Variants in PCTP observed in about 807,000 individuals in gnomAD.
The protein encoded by PCTP is phosphatidylcholine transfer protein, also known as START domain-containing protein 2.
A neutral mutation model predicts 31.0 loss-of-function variants in PCTP; 27 were observed. The observed-to-expected ratio is 0.87, with a 90% CI of 0.64 to 1.20. The LOEUF is 1.20. Among genes scored for constraint, PCTP ranks in the 50% most tolerant of loss-of-function variants. The pLI, the probability that PCTP is intolerant of heterozygous loss-of-function variation, is 0.00. For synonymous variants in PCTP, 108 were observed against 101.2 expected (o/e 1.07, Z -0.40); for missense variants, 287 against 268.2 (o/e 1.07, Z -0.49).
At chr17:55,756,719 G>C (rs1403821889) in intron 1 of PCTP, among the ~76,000 whole-genome samples, 2 of 23,316 alleles carry the variant, frequency 8.6e-5, no homozygotes, top group East Asian at 0.032. Flanking sequence ...TTATGAATGT[G>C]TGTGTGTGTG....
chr17:55,806,736 G>T (rs537664683), intron 3 of PCTP, among the ~76,000 whole-genome samples: 8 of 152,232 alleles, frequency 5.3e-5, no homozygotes, highest in African/African-American at 1.7e-4. Flanking sequence ...AGTTTTAGAT[G>T]GGAGTGTAGA....
intron 5 of PCTP, among the ~76,000 whole-genome samples, chr17:55,837,997 C>T (rs1459327394): frequency 3.9e-5 from 6 of 151,938 alleles, no homozygotes; most frequent in Admixed American, 3.9e-4. Flanking sequence ...TAAAAAATAG[C>T]AGGGCATGAT....
Position 55,776,711 on chromosome 17 carries a change from G to A in PCTP, c.*611G>A, listed in dbSNP as rs1248037678. On this transcript the variant is annotated 3_prime_UTR_variant, in exon 6 of 6. Coordinates refer to ENST00000268896, the MANE Select transcript of PCTP (RefSeq NM_021213.4). ...AAGTCTTTCCTCGTTCCTACTTGTG[G>A]AGGATCAGTAGCTGTTATGATGCCA... 1 of 1,205,248 alleles carries A rather than the reference G, an allele frequency of 8.3e-7. No individual in the cohort carries two copies. The highest frequency in any genetic ancestry group is 1.6e-5 in the African/African-American group (1 of 63,908). The allele number at this position is 1,205,248 out of a possible 1,614,324, so 74.7% of individuals were successfully genotyped here. A position where few individuals can be genotyped will look rare whatever the true frequency, so the allele number is the denominator to read the frequency against.
chr17:55,822,386 C>T (rs761898963), intron 3 of PCTP, among the ~76,000 whole-genome samples: 11 of 152,132 alleles, frequency 7.2e-5, no homozygotes, highest in Non-Finnish European at 1.0e-4. Context: ...TTGACTGTGG[C>T]CTTCTCTTCT....
intron 3 of PCTP, among the ~76,000 whole-genome samples, chr17:55,798,224 T>C (rs1430801628): frequency 3.3e-5 from 5 of 151,810 alleles, no homozygotes; most frequent in Non-Finnish European, 4.4e-5. Context: ...CTAAGAGATA[T>C]ATGGGACAAC....
chr17:55,836,658 A>G (rs1486630751), intron 5 of PCTP, among the ~76,000 whole-genome samples: 2 of 152,194 alleles, frequency 1.3e-5, no homozygotes, highest in African/African-American at 4.8e-5. Context: ...GTTTTTGAAT[A>G]TATGTTAGCT....
At chr17:55,771,012 C>A in intron 2 of PCTP, 94 bp from the exon 3 acceptor site, 2 of 906,186 alleles carry the variant, frequency 2.2e-6, no homozygotes, top group Non-Finnish European at 1.8e-6. Flanking sequence ...GGATTACAGG[C>A]ATGAGCCACC....
At chr17:55,773,509 G>A in intron 3 of PCTP, 1 of 507,126 alleles carries the variant, frequency 2.0e-6, no homozygotes, top group Non-Finnish European at 3.6e-6. Context: ...TCACAGGTAA[G>A]TAATACATGC....
At chr17:55,819,623 T>A (rs1373251394) in intron 3 of PCTP, among the ~76,000 whole-genome samples, 2 of 152,016 alleles carry the variant, frequency 1.3e-5, no homozygotes, top group Non-Finnish European at 2.9e-5. Context: ...ACCATGGTAG[T>A]GTGCATCTGT....
downstream of PCTP, among the ~76,000 whole-genome samples, chr17:55,777,740 T>C (rs562808990): frequency 6.6e-6 from 1 of 152,356 alleles, no homozygotes; most frequent in South Asian, 2.1e-4. Flanking sequence ...AAACATATGC[T>C]TATCTATGCC....
intron 1 of PCTP, among the ~76,000 whole-genome samples, chr17:55,760,316 G>A (rs569449073): frequency 7.2e-5 from 11 of 152,256 alleles, no homozygotes; most frequent in South Asian, 2.1e-4. Flanking sequence ...GGAGATTATC[G>A]TACCTACCTT....
intron 3 of PCTP, among the ~76,000 whole-genome samples, chr17:55,808,739 G>A (rs551371666): frequency 1.3e-5 from 2 of 152,242 alleles, no homozygotes; most frequent in South Asian, 2.1e-4. Context: ...GCAGTAATAC[G>A]TCTTAAAGAA....
chr17:55,806,625 A>G (rs1020324166), intron 3 of PCTP, among the ~76,000 whole-genome samples: 1 of 152,150 alleles, frequency 6.6e-6, no homozygotes, highest in Admixed American at 6.5e-5. Flanking sequence ...TCAAGTTTCA[A>G]GTGAACATCT....
downstream of PCTP, among the ~76,000 whole-genome samples, chr17:55,825,462 G>A (rs1352083517): frequency 1.3e-5 from 2 of 152,234 alleles, no homozygotes; most frequent in Non-Finnish European, 2.9e-5. Flanking sequence ...ACACCTGGCT[G>A]CCAGGGGAAG....
intron 1 of PCTP, among the ~76,000 whole-genome samples, chr17:55,760,886 TG>T (rs774447381): frequency 1.3e-5 from 2 of 152,190 alleles, no homozygotes; most frequent in Non-Finnish European, 2.9e-5. Context: ...CGTCATCAGC[TG>T]ACTCTTGGCA....
At chr17:55,847,874 T>C in the PCTP span, among the ~76,000 whole-genome samples, 1 of 152,170 alleles carries the variant, frequency 6.6e-6, no homozygotes, top group Admixed American at 6.5e-5. Context: ...CAAATGTTAA[T>C]CTCATCTCCA....
At chr17:55,836,212 A>T (rs551057083) in intron 5 of PCTP, among the ~76,000 whole-genome samples, 9 of 152,346 alleles carry the variant, frequency 5.9e-5, no homozygotes, top group East Asian at 1.9e-4. Flanking sequence ...CAATCAAATG[A>T]CATAATTAAT....
chr17:55,797,347 C>G (rs1051993397), intron 3 of PCTP, among the ~76,000 whole-genome samples: 3 of 151,962 alleles, frequency 2.0e-5, no homozygotes, highest in Non-Finnish European at 4.4e-5. Context: ...TGTATTTCCT[C>G]TTGAGATTTT....
chr17:55,794,422 T>G (rs952746536), intron 3 of PCTP, among the ~76,000 whole-genome samples: 5 of 152,000 alleles, frequency 3.3e-5, no homozygotes, highest in African/African-American at 9.7e-5. Flanking sequence ...AAAATTTGTT[T>G]AACCCGTCTC....
Sources: gnomAD v4.1 joint callset for allele counts (sites outside exome capture counted in the v4.1 genomes callset) on GRCh38, gnomAD v4.1.1 for gene constraint, MANE v1.5 for transcripts, NCBI Gene and HGNC (gene_info 2026-07-23, HGNC 2026-07-21) for gene names.